The following ANKIB1 variants were observed in gnomAD, a reference collection of about 807,000 sequenced individuals.
ANKIB1 encodes the protein ankyrin repeat and IBR domain containing 1, also known as ankyrin repeat and IBR domain-containing protein 1.
A neutral mutation model predicts 122.1 loss-of-function variants in ANKIB1; 43 were observed. That is an observed-to-expected ratio of 0.35 (90% CI 0.28 to 0.45). The LOEUF (loss-of-function observed/expected upper bound fraction) is 0.45, where lower values mean the gene tolerates loss of function less well. Among genes scored for constraint, ANKIB1 ranks in the 20% least tolerant of loss-of-function variants. The pLI, the probability that ANKIB1 is intolerant of heterozygous loss-of-function variation, is 1.00. For synonymous variants in ANKIB1, 390 were observed against 442.0 expected, an observed-to-expected ratio of 0.88 and a Z score of 1.48; for missense variants, 992 against 1,329.5, an observed-to-expected ratio of 0.75 and a Z score of 3.95.
At chr7:92,343,346 A>C (rs1803473644) in intron 6 of ANKIB1, 114 bp downstream of exon 6, 1 of 902,932 alleles carries the variant, frequency 1.1e-6, no homozygotes, top group Admixed American at 2.4e-5. Context: ...ATTGAATCCT[A>C]TCCCTTTCTT....
At chr7:92,393,515 T>G (rs1804828672) in intron 17 of ANKIB1, among the ~76,000 whole-genome samples, 1 of 152,076 alleles carries the variant, frequency 6.6e-6, no homozygotes, top group African/African-American at 2.4e-5. Flanking sequence ...AAAAAAATAC[T>G]AATGATTTCC....
rs376589819 is a variant in ANKIB1 at position 92,398,969 on chromosome 7, T to A, written c.*20T>A. 54 of 1,523,038 alleles carry A rather than the reference T, an allele frequency of 3.5e-5. No homozygotes were observed. Among genetic ancestry groups the A allele is most frequent in the Non-Finnish European group, 4.7e-5 (53 of 1,135,900 alleles). The allele number at this position is 1,523,038 out of a possible 1,614,324, so 94.3% of individuals were successfully genotyped here. ...GTGTGAACTGCACACATCTGGGCTC[T>A]AAATGAATTACAGGTACAGATGGTA... On this transcript the variant is annotated 3_prime_UTR_variant, in exon 20 of 20. Transcript: ENST00000265742.
rs1274358725 is a variant in ANKIB1, at chr7:92,399,262, T to C, written c.*313T>C. On this transcript the variant is annotated 3_prime_UTR_variant, in exon 20 of 20. Coordinates refer to ENST00000265742, the MANE Select transcript of ANKIB1 (RefSeq NM_019004.2). ...AGAAAATGCAGTCCTCTATTTAGCC[T>C]AGGCTTGACAATACTTAAATTGAAC... 1 of 187,196 alleles carries C rather than the reference T, an allele frequency of 5.3e-6. No homozygotes were observed. Among genetic ancestry groups the C allele is most frequent in the Non-Finnish European group, 1.1e-5 (1 of 91,954 alleles). The allele number at this position is 187,196 out of a possible 1,614,324, so 11.6% of individuals were successfully genotyped here.
At chr7:92,377,646 AC>A (rs964911421) in intron 11 of ANKIB1, among the ~76,000 whole-genome samples, 8 of 152,330 alleles carry the variant, frequency 5.3e-5, no homozygotes, top group Non-Finnish European at 1.0e-4. Context: ...AATCAAAAAA[AC>A]AAAGCAAACT....
At chr7:92,349,206 A>T (rs190930127) in intron 7 of ANKIB1, among the ~76,000 whole-genome samples, 58 of 152,288 alleles carry the variant, frequency 3.8e-4, no homozygotes, top group Middle Eastern at 3.4e-3. Flanking sequence ...GGATTTGAGG[A>T]TTAGCCTGGG....
chr7:92,292,232 T>C (rs2131916347), intron 1 of ANKIB1, among the ~76,000 whole-genome samples: 1 of 152,354 alleles, frequency 6.6e-6, no homozygotes, highest in South Asian at 2.1e-4. Context: ...ATGCATTTCT[T>C]AGTGACTTTC....
intron 15 of ANKIB1, among the ~76,000 whole-genome samples, chr7:92,390,461 C>T (rs1169383417): frequency 6.6e-6 from 1 of 151,984 alleles, no homozygotes; most frequent in Non-Finnish European, 1.5e-5. Context: ...ACCCACATTA[C>T]CTATAAGATG....
chr7:92,317,244 C>G (rs1802813354), intron 3 of ANKIB1, among the ~76,000 whole-genome samples: 1 of 152,166 alleles, frequency 6.6e-6, no homozygotes, highest in Non-Finnish European at 1.5e-5. Flanking sequence ...CTCATTGCTT[C>G]TCAAACATTT....
intron 5 of ANKIB1, among the ~76,000 whole-genome samples, chr7:92,335,315 T>G (rs527572680): frequency 6.6e-6 from 1 of 152,032 alleles, no homozygotes; most frequent in Non-Finnish European, 1.5e-5. Flanking sequence ...GTAGTCTGTC[T>G]TGATGACTAT....
intron 4 of ANKIB1, among the ~76,000 whole-genome samples, chr7:92,324,924 C>T (rs902891632): frequency 1.3e-5 from 2 of 152,132 alleles, no homozygotes; most frequent in African/African-American, 2.4e-5. Context: ...TAGGTGTTTA[C>T]GTTCCAACAG....
chr7:92,375,431 G>A (rs570307128), intron 11 of ANKIB1, among the ~76,000 whole-genome samples: 3 of 152,102 alleles, frequency 2.0e-5, no homozygotes, highest in Non-Finnish European at 4.4e-5. Context: ...AGTCTTTGTT[G>A]TCATTTCAAC....
In ANKIB1 at chr7:92,333,557, G is replaced by C. The variant is rs568181476; in HGVS notation, c.787+5657G>C. On this transcript the variant is annotated intron_variant, in intron 5 of 19. Coordinates refer to ENST00000265742, the MANE Select transcript of ANKIB1 (RefSeq NM_019004.2). The stretch of plus-strand genomic sequence containing the variant: ...CTCCGGTTTTCTACCTCTCTTTATG[G>C]TGTTTCTGACAGTGGTGATTTTTTG... Among the ~76,000 whole-genome samples, 4 of 152,136 alleles carry C rather than the reference G, an allele frequency of 2.6e-5. No homozygotes were observed. In the South Asian group the frequency reaches 6.2e-4, roughly 24 times the overall value.
At chr7:92,386,052 C>T (rs1229227732) in intron 11 of ANKIB1, among the ~76,000 whole-genome samples, 2 of 152,140 alleles carry the variant, frequency 1.3e-5, no homozygotes, top group African/African-American at 2.4e-5. Flanking sequence ...TTGGAATTTA[C>T]ATTAAAATGG....
chr7:92,361,570 G>A (rs1030812544), intron 9 of ANKIB1, among the ~76,000 whole-genome samples: 2 of 152,000 alleles, frequency 1.3e-5, no homozygotes, highest in Admixed American at 6.6e-5. Flanking sequence ...AGGATAAAAC[G>A]TAATTGATTC....
chr7:92,286,628 C>T (rs1802134099), intron 1 of ANKIB1, among the ~76,000 whole-genome samples: 1 of 151,782 alleles, frequency 6.6e-6, no homozygotes, highest in African/African-American at 2.4e-5. Flanking sequence ...TACAGGCATG[C>T]ACCACCATGC....
At chr7:92,362,114 A>G in intron 9 of ANKIB1, 71 bp from the exon 10 acceptor site, 1 of 1,429,704 alleles carries the variant, frequency 7.0e-7, no homozygotes, top group Non-Finnish European at 9.6e-7. Context: ...CCCGGCCTCT[A>G]CACACTTTTT....
In ANKIB1 at chr7:92,253,551, T is replaced by C. The variant is rs145516049; in HGVS notation, c.-91+7032T>C. Among the ~76,000 whole-genome samples, 19 of 152,360 alleles carry C rather than the reference T, an allele frequency of 1.2e-4. No homozygotes were observed. In the East Asian group the frequency reaches 3.3e-3, roughly 26 times the overall value. ...CAGCTAGCTTGCAGACACCTTTACATATTCTAATAGTTAATTTTTAAATCT... is the reference window on the plus strand; with the variant it reads ...CAGCTAGCTTGCAGACACCTTTACACATTCTAATAGTTAATTTTTAAATCT... On this transcript the variant is annotated intron_variant, in intron 1 of 19. Coordinates refer to ENST00000265742, the MANE Select transcript of ANKIB1 (RefSeq NM_019004.2).
intron 5 of ANKIB1, among the ~76,000 whole-genome samples, chr7:92,338,921 AAAAAAAAAAAAAATAT>A (rs1418046919): frequency 3.6e-5 from 2 of 55,838 alleles, no homozygotes; most frequent in Non-Finnish European, 3.6e-5. Context: ...CAAAAAAAAA[AAAAAAAAAAAAAATAT>A]ATATATATAT....
chr7:92,348,062 T>C (rs546882688), intron 7 of ANKIB1: 35 of 400,064 alleles, frequency 8.7e-5, no homozygotes, highest in African/African-American at 6.8e-4. Context: ...ACTTATCAAC[T>C]CCATGTTCTG....
Sources: allele counts gnomAD v4.1 joint callset (sites outside exome capture counted in the v4.1 genomes callset), GRCh38; gene constraint gnomAD v4.1.1; transcripts MANE v1.5; gene names NCBI Gene and HGNC (gene_info 2026-07-23, HGNC 2026-07-21).